MTHFS: variants seen among roughly 807,000 people sequenced by gnomAD.
MTHFS encodes the protein 5-formyltetrahydrofolate cyclo-ligase.
Under a neutral mutation model 12.7 loss-of-function variants are expected in MTHFS, and 7 were observed. The observed-to-expected ratio is 0.55, with a 90% CI of 0.31 to 1.03. The LOEUF (loss-of-function observed/expected upper bound fraction) is 1.03, where lower values mean the gene tolerates loss of function less well. Among genes scored for constraint, MTHFS ranks in the 50% least tolerant of loss-of-function variants. The pLI is 0.05. For missense variants in MTHFS, 252 were observed against 258.1 expected (o/e 0.98, Z 0.16); for synonymous variants, 100 against 97.1 (o/e 1.03, Z -0.18).
At chr15:79,895,943 A>T (rs2034560132) in intron 1 of MTHFS, among the ~76,000 whole-genome samples, 3 of 152,204 alleles carry the variant, frequency 2.0e-5, no homozygotes, top group Admixed American at 2.0e-4. Context: ...TATTCAGGGG[A>T]CATTAAATTT....
intron 2 of MTHFS, among the ~76,000 whole-genome samples, chr15:79,851,859 G>C (rs182555414): frequency 6.6e-6 from 1 of 152,166 alleles, no homozygotes; most frequent in East Asian, 1.9e-4. Flanking sequence ...GCATCTTAGA[G>C]GTAGTACAGG....
chr15:79,885,533 G>A (rs777230296), intron 2 of MTHFS, among the ~76,000 whole-genome samples: 3 of 152,194 alleles, frequency 2.0e-5, no homozygotes, highest in South Asian at 2.1e-4. Flanking sequence ...TAGGGCTGCC[G>A]AGCTGGGCAT....
At chr15:79,864,544 C>CAAAAAAAAAAAAA (rs1566990932) in intron 2 of MTHFS, among the ~76,000 whole-genome samples, 1 of 23,694 alleles carries the variant, frequency 4.2e-5, no homozygotes, top group African/African-American at 2.0e-4. Flanking sequence ...GACTCCATCT[C>CAAAAAAAAAAAAA]AACAAAAAAA....
At chr15:79,871,176 C>G (rs185350869) in intron 2 of MTHFS, among the ~76,000 whole-genome samples, 1 of 152,146 alleles carries the variant, frequency 6.6e-6, no homozygotes, top group East Asian at 1.9e-4. Flanking sequence ...CATTTAATTT[C>G]TTGTCTTTCA....
In MTHFS at chr15:79,897,005, G is replaced by C. The variant is rs756322050; in HGVS notation, c.-17C>G. ...CGCCGCCATCTCACGCCCAAGCCGAGTCCAGTCCCGCCCTCGGCGCCCTGG... is the reference window on the plus strand; with the variant it reads ...CGCCGCCATCTCACGCCCAAGCCGACTCCAGTCCCGCCCTCGGCGCCCTGG... On this transcript the variant is annotated 5_prime_UTR_variant, in exon 1 of 3. Coordinates refer to ENST00000258874, the MANE Select transcript of MTHFS (RefSeq NM_006441.4). 10 of 1,514,684 alleles carry C rather than the reference G, an allele frequency of 6.6e-6. No homozygotes were observed. The South Asian group carries it at 1.1e-4, about 17-fold the overall frequency. The allele number at this position is 1,514,684 out of a possible 1,614,324, so 93.8% of individuals were successfully genotyped here. A position where few individuals can be genotyped will look rare whatever the true frequency, so the allele number is the denominator to read the frequency against.
rs914209919 is a variant in MTHFS, at chr15:79,881,738, G to C, written c.379+7355C>G. On this transcript the variant is annotated intron_variant, in intron 2 of 2. Coordinates refer to ENST00000258874, the MANE Select transcript of MTHFS (RefSeq NM_006441.4). ...GTTTTAATGCAGTATGCTGTCAAGAGAGAGAAAATCTAGGTAGTAAAGCAA... is the reference window on the plus strand; with the variant it reads ...GTTTTAATGCAGTATGCTGTCAAGACAGAGAAAATCTAGGTAGTAAAGCAA... 2.6e-5 allele frequency among the ~76,000 whole-genome samples: 4 copies of C among 152,174 alleles called. No homozygotes were observed. In the East Asian group the frequency reaches 7.7e-4, roughly 29 times the overall value.
chr15:79,856,461 T>C (rs1164465863), intron 2 of MTHFS, among the ~76,000 whole-genome samples: 5 of 152,184 alleles, frequency 3.3e-5, no homozygotes. Flanking sequence ...GGACAATACC[T>C]TGTTTATCTG....
chr15:79,891,963 CAAAAA>C (rs57309663), intron 1 of MTHFS, among the ~76,000 whole-genome samples: 9 of 84,256 alleles, frequency 1.1e-4, no homozygotes, highest in Non-Finnish European at 1.3e-4. Flanking sequence ...AACTCCATCT[CAAAAA>C]AAAAAAAAAA....
At chr15:79,866,388 A>T (rs2034011347) in intron 2 of MTHFS, among the ~76,000 whole-genome samples, 1 of 152,212 alleles carries the variant, frequency 6.6e-6, no homozygotes, top group Admixed American at 6.5e-5. Context: ...ACCCAAAGGC[A>T]TTTGAAAACA....
In MTHFS at chr15:79,844,244, G is replaced by GA. The variant is rs753009739; in HGVS notation, c.*965dup. Reference sequence around the variant, plus strand: ...GAAATAAACTGGAAGAGGCAAGATGGAAGCCAAGGGAAGCAGGTGTGACAC... The same window carrying GA: ...GAAATAAACTGGAAGAGGCAAGATGGAAAGCCAAGGGAAGCAGGTGTGACAC... On this transcript the variant is annotated 3_prime_UTR_variant, in exon 3 of 3. Transcript: ENST00000258874. 3.9e-5 allele frequency: 6 copies of GA among 152,208 alleles called. No individual in the cohort carries two copies. The highest frequency in any genetic ancestry group is 8.8e-5 in the Non-Finnish European group (6 of 68,024). 9.4% of individuals were successfully genotyped at this position (152,208 alleles called of 1,614,324 possible). A position where few individuals can be genotyped will look rare whatever the true frequency, so the allele number is the denominator to read the frequency against.
chr15:79,848,916 G>C (rs2141339905), intron 2 of MTHFS, among the ~76,000 whole-genome samples: 1 of 152,232 alleles, frequency 6.6e-6, no homozygotes, highest in Non-Finnish European at 1.5e-5. Context: ...TTTGCCTGCA[G>C]AATGGATCAA....
intron 2 of MTHFS, among the ~76,000 whole-genome samples, chr15:79,858,187 TAA>T (rs2033846054): frequency 6.6e-6 from 1 of 152,132 alleles, no homozygotes; most frequent in African/African-American, 2.4e-5. Context: ...AACACAGAGA[TAA>T]GTTACTATTC....
intron 2 of MTHFS, among the ~76,000 whole-genome samples, chr15:79,872,103 CAAAAAAA>C (rs58835744): frequency 3.4e-4 from 23 of 66,776 alleles, no homozygotes; most frequent in Middle Eastern, 7.6e-3. Context: ...GACTCCGTCT[CAAAAAAA>C]AAAAAAAAAA....
chr15:79,882,340 C>G (rs982686289), intron 2 of MTHFS, among the ~76,000 whole-genome samples: 2 of 152,150 alleles, frequency 1.3e-5, no homozygotes, highest in African/African-American at 4.8e-5. Context: ...TAAAAATACC[C>G]AGACTGTCAG....
At position 79,882,283 on chromosome 15, in the gene MTHFS, C is replaced by CA. The variant is rs148530307; in HGVS notation, c.379+6809dup. Reference sequence around the variant, plus strand: ...TTAAGCATTCTCATAGACATGCTGACAGTCACTGGTGGGACCAGTGGTGTT... The same window carrying CA: ...TTAAGCATTCTCATAGACATGCTGACAAGTCACTGGTGGGACCAGTGGTGTT... On this transcript the variant is annotated intron_variant, in intron 2 of 2. Coordinates refer to ENST00000258874, the MANE Select transcript of MTHFS (RefSeq NM_006441.4). 0.019 allele frequency among the ~76,000 whole-genome samples: 2,950 copies of CA among 152,290 alleles called. 183 individuals carry two copies. The East Asian group carries it at 0.22, about 11-fold the overall frequency.
chr15:79,878,114 T>C (rs2034232757), intron 2 of MTHFS: 1 of 152,036 alleles, frequency 6.6e-6, no homozygotes, highest in African/African-American at 2.4e-5. Context: ...AAAAGACTGG[T>C]TTTTTCTCTT....
rs1246708060 is a variant in MTHFS, at chr15:79,872,680, G to C, written c.379+16413C>G. On this transcript the variant is annotated intron_variant, in intron 2 of 2. Transcript: ENST00000258874. ...ACAAAAGGATCGTAATTTCCAGGTTGTTGCCATGGAAAGGGGTAGTAACTT... is the reference window on the plus strand; with the variant it reads ...ACAAAAGGATCGTAATTTCCAGGTTCTTGCCATGGAAAGGGGTAGTAACTT... 2.0e-5 allele frequency among the ~76,000 whole-genome samples: 3 copies of C among 152,350 alleles called. No individual in the cohort carries two copies. In the East Asian group the frequency reaches 5.8e-4, roughly 29 times the overall value.
At chr15:79,857,187 G>A (rs1335968714) in intron 2 of MTHFS, among the ~76,000 whole-genome samples, 2 of 151,942 alleles carry the variant, frequency 1.3e-5, no homozygotes, top group African/African-American at 2.4e-5. Context: ...TAGTAGAGAT[G>A]GGGTTTCATC....
intron 2 of MTHFS, among the ~76,000 whole-genome samples, chr15:79,847,669 CAAAAAAAAAAAA>C (rs55956333): frequency 2.7e-5 from 2 of 75,404 alleles, no homozygotes; most frequent in Admixed American, 3.0e-4. Context: ...GACTCCGTCT[CAAAAAAAAAAAA>C]AAAAAAAAAG....
Sources: allele counts gnomAD v4.1 joint callset (sites outside exome capture counted in the v4.1 genomes callset), GRCh38; gene constraint gnomAD v4.1.1; transcripts MANE v1.5; gene names NCBI Gene and HGNC (gene_info 2026-07-23, HGNC 2026-07-21).